LRRC63: variants seen among roughly 807,000 people sequenced by gnomAD.
The protein encoded by LRRC63 is leucine rich repeat containing 63, also known as leucine-rich repeat-containing protein 63.
LRRC63 carries 40 observed loss-of-function variants against 49.5 expected under a neutral mutation model. The observed-to-expected ratio is 0.81, with a 90% CI of 0.63 to 1.05. LRRC63 has a LOEUF of 1.05. Ranked by LOEUF, LRRC63 falls within the 50% of genes least tolerant of loss-of-function variation. The pLI, the probability that LRRC63 is intolerant of heterozygous loss-of-function variation, is 0.00. For missense variants in LRRC63, 636 were observed against 663.1 expected (o/e 0.96, Z 0.45); for synonymous variants, 191 against 221.1 (o/e 0.86, Z 1.21).
intron 1 of LRRC63, 146 bp from the exon 2 acceptor site, chr13:46,212,856 C>T: frequency 2.2e-4 from 106 of 487,542 alleles, no homozygotes; most frequent in South Asian, 5.3e-4. Context: ...ATTTTCTTAC[C>T]CTCTTTTTTT....
chr13:46,220,935 G>A (rs944841247), intron 2 of LRRC63, among the ~76,000 whole-genome samples: 1 of 152,138 alleles, frequency 6.6e-6, no homozygotes, highest in Non-Finnish European at 1.5e-5. Context: ...TCCATATTGG[G>A]AAGATTTCTT....
At chr13:46,224,729 CT>C (rs1177604969) in intron 2 of LRRC63, among the ~76,000 whole-genome samples, 1 of 152,118 alleles carries the variant, frequency 6.6e-6, no homozygotes, top group African/African-American at 2.4e-5. Flanking sequence ...TAGGGTAGGA[CT>C]TTTTTCTGAA....
At chr13:46,247,628 C>T (rs1364637434) in intron 6 of LRRC63, among the ~76,000 whole-genome samples, 1 of 152,008 alleles carries the variant, frequency 6.6e-6, no homozygotes, top group South Asian at 2.1e-4. Context: ...AATATCTAAG[C>T]TTAGAGAGGC....
intron 7 of LRRC63, among the ~76,000 whole-genome samples, chr13:46,257,075 C>T (rs1310276258): frequency 6.6e-6 from 1 of 152,104 alleles, no homozygotes; most frequent in Non-Finnish European, 1.5e-5. Flanking sequence ...AAGGGGGATG[C>T]AGAAGCATTT....
At chr13:46,268,328 T>C (rs767201929) in intron 9 of LRRC63, among the ~76,000 whole-genome samples, 3 of 152,078 alleles carry the variant, frequency 2.0e-5, no homozygotes, top group Non-Finnish European at 4.4e-5. Context: ...AAAAAGGACA[T>C]GATTTAACAT....
intron 4 of LRRC63, 39 bp from the exon 5 acceptor site, chr13:46,234,153 C>A: frequency 6.7e-7 from 1 of 1,501,260 alleles, no homozygotes; most frequent in Non-Finnish European, 9.0e-7. Flanking sequence ...AGTGATAACA[C>A]ATTTAAATTT....
At chr13:46,245,518 G>T (rs1467795771) in intron 5 of LRRC63, among the ~76,000 whole-genome samples, 1 of 151,962 alleles carries the variant, frequency 6.6e-6, no homozygotes, top group Non-Finnish European at 1.5e-5. Context: ...TACCACAACA[G>T]AAATAAAATA....
rs2138463679 is a variant in LRRC63 at position 46,239,044 on chromosome 13, T to TA, written c.990+4696dup. On this transcript the variant is annotated intron_variant, in intron 5 of 9. Transcript: ENST00000595396. ...CCACATCAAAAAATTAGAAAGATGT[T>TA]ACATTAGTAACCTAACATCAAAACC... 1.3e-5 allele frequency among the ~76,000 whole-genome samples: 2 copies of TA among 152,270 alleles called. 1 individual carries two copies. The highest frequency in any genetic ancestry group is 4.8e-5 in the African/African-American group (2 of 41,562).
rs565565606 is a variant in LRRC63, at chr13:46,270,303, G to A, written c.1550+3331G>A. 1.3e-4 allele frequency: 112 copies of A among 838,190 alleles called. No individual in the cohort carries two copies. The East Asian group carries it at 2.0e-3, about 15-fold the overall frequency. The allele number at this position is 838,190 out of a possible 1,614,324, so 51.9% of individuals were successfully genotyped here. ...TGTCAGATCAGTCCCAACTGTAGCA[G>A]ACTTCAGAACAAGGTCTCTGGGAAA... On this transcript the variant is annotated intron_variant, in intron 9 of 9. Coordinates refer to ENST00000595396, the Ensembl canonical transcript of LRRC63.
chr13:46,239,641 T>C (rs2046999085), intron 5 of LRRC63, among the ~76,000 whole-genome samples: 1 of 152,164 alleles, frequency 6.6e-6, no homozygotes, highest in South Asian at 2.1e-4. Context: ...GATTCAGTGA[T>C]GGCAGCATCA....
At chr13:46,213,585 T>C (rs2046159614) in intron 2 of LRRC63, among the ~76,000 whole-genome samples, 1 of 152,238 alleles carries the variant, frequency 6.6e-6, no homozygotes, top group South Asian at 2.1e-4. Context: ...GTTGAAGTAC[T>C]GTCTAGTGTT....
chr13:46,216,297 C>CA (rs2046249809), intron 2 of LRRC63, among the ~76,000 whole-genome samples: 1 of 152,112 alleles, frequency 6.6e-6, no homozygotes, highest in Admixed American at 6.5e-5. Context: ...TTTCCTTGAG[C>CA]AGTGGTTTGT....
exon 3 of LRRC63, chr13:46,227,623 C>T (rs2046613763): frequency 1.3e-6 from 2 of 1,549,768 alleles, no homozygotes; most frequent in Non-Finnish European, 1.7e-6. Context: ...CAATCACTAA[C>T]ACCTATCAAT....
intron 5 of LRRC63, among the ~76,000 whole-genome samples, chr13:46,245,105 G>A (rs565005239): frequency 6.6e-6 from 1 of 152,226 alleles, no homozygotes; most frequent in South Asian, 2.1e-4. Context: ...ACCAAGTATA[G>A]AGAAAAGTTT....
At chr13:46,216,309 G>T (rs576685635) in intron 2 of LRRC63, among the ~76,000 whole-genome samples, 1 of 152,122 alleles carries the variant, frequency 6.6e-6, no homozygotes, top group Non-Finnish European at 1.5e-5. Flanking sequence ...GTGGTTTGTA[G>T]TTCTCCTTGA....
At chr13:46,212,923 T>C in intron 1 of LRRC63, 79 bp from the exon 2 acceptor site, 1 of 715,110 alleles carries the variant, frequency 1.4e-6, no homozygotes. Flanking sequence ...TGATTTTCTT[T>C]AAGATGTAAT....
At chr13:46,264,643 C>A (rs1307499263) in intron 8 of LRRC63, among the ~76,000 whole-genome samples, 1 of 115,946 alleles carries the variant, frequency 8.6e-6, no homozygotes, top group Non-Finnish European at 1.6e-5. Context: ...AACTTTGTAT[C>A]CATCCCTCCA....
intron 4 of LRRC63, among the ~76,000 whole-genome samples, chr13:46,231,815 C>CTT (rs1295050179): frequency 1.6e-4 from 22 of 133,456 alleles, no homozygotes; most frequent in African/African-American, 4.3e-4. Flanking sequence ...CTGCCACACA[C>CTT]TTTTTTTTTT....
intron 8 of LRRC63, among the ~76,000 whole-genome samples, 199 bp downstream of exon 8, chr13:46,262,191 A>G (rs1217967300): frequency 1.6e-5 from 2 of 129,032 alleles, no homozygotes; most frequent in Non-Finnish European, 3.4e-5. Flanking sequence ...TTATTTAAAG[A>G]AAGTGCAGAT....
Sources: gnomAD v4.1 joint callset for allele counts (sites outside exome capture counted in the v4.1 genomes callset) on GRCh38, gnomAD v4.1.1 for gene constraint, MANE v1.5 for transcripts, NCBI Gene and HGNC (gene_info 2026-07-23, HGNC 2026-07-21) for gene names.